Variants in FYTTD1 observed in about 807,000 individuals in gnomAD.
The protein encoded by FYTTD1 is UAP56-interacting factor.
In FYTTD1, 22 loss-of-function variants were observed where a neutral mutation model predicts 40.9. The observed-to-expected ratio is 0.54, with a 90% confidence interval of 0.38 to 0.77. The LOEUF (loss-of-function observed/expected upper bound fraction) is 0.77, where lower values mean the gene tolerates loss of function less well. FYTTD1 is among the 30% of genes least tolerant of loss of function. The pLI is 0.00. For missense variants in FYTTD1, 351 were observed against 392.2 expected, an observed-to-expected ratio of 0.90 and a Z score of 0.89; for synonymous variants, 140 against 137.9, an observed-to-expected ratio of 1.01 and a Z score of -0.10.
rs1481919781 is a variant in FYTTD1 at position 197,786,118 on chromosome 3, T to C, written c.*4209T>C. 2.7e-5 allele frequency: 4 copies of C among 148,248 alleles called. No individual in the cohort carries two copies. The South Asian group carries it at 8.4e-4, about 31-fold the overall frequency. 9.2% of individuals were successfully genotyped at this position (148,248 alleles called of 1,614,324 possible). On this transcript the variant is annotated 3_prime_UTR_variant, in exon 9 of 9. Coordinates refer to ENST00000241502, the MANE Select transcript of FYTTD1 (RefSeq NM_032288.7). The stretch of plus-strand genomic sequence containing the variant: ...TTTCTTTTTCTTTTTTTTTTTTTCT[T>C]TTTTTTCTTTTTTTGAGATGGAGTT...
chr3:197,762,698 C>G (rs1729424151), intron 2 of FYTTD1, among the ~76,000 whole-genome samples: 1 of 151,256 alleles, frequency 6.6e-6, no homozygotes, highest in Admixed American at 6.6e-5. Flanking sequence ...CTGGCTAACA[C>G]AGTGAAACCC....
At chr3:197,752,050 AT>A (rs1295562808) in intron 1 of FYTTD1, among the ~76,000 whole-genome samples, 1 of 151,982 alleles carries the variant, frequency 6.6e-6, no homozygotes, top group Non-Finnish European at 1.5e-5. Context: ...TAATTTTCAT[AT>A]TTTTAGTAGA....
Position 197,782,061 on chromosome 3 carries a change from A to T in FYTTD1, c.*152A>T, listed in dbSNP as rs1730043228. 2 of 456,658 alleles carry T rather than the reference A, an allele frequency of 4.4e-6. No individual in the cohort carries two copies. The highest frequency in any genetic ancestry group is 4.0e-6 in the Non-Finnish European group (1 of 251,390). 28.3% of individuals were successfully genotyped at this position (456,658 alleles called of 1,614,324 possible). Reference sequence around the variant, plus strand: ...TTTGAAGGTTTTTTTTTTTAAAAAAAAAAACGTATAAAATAATGCCCTGAA... The same window carrying T: ...TTTGAAGGTTTTTTTTTTTAAAAAATAAAACGTATAAAATAATGCCCTGAA... On this transcript the variant is annotated 3_prime_UTR_variant, in exon 9 of 9. Coordinates refer to ENST00000241502, the MANE Select transcript of FYTTD1 (RefSeq NM_032288.7).
At chr3:197,774,262 A>C in intron 6 of FYTTD1, 52 bp downstream of exon 6, 1 of 1,385,410 alleles carries the variant, frequency 7.2e-7, no homozygotes, top group East Asian at 2.3e-5. Flanking sequence ...CCAGAATACT[A>C]ACTACCCAAA....
At chr3:197,773,806 C>A (rs1195422171) in intron 5 of FYTTD1, among the ~76,000 whole-genome samples, 4 of 150,616 alleles carry the variant, frequency 2.7e-5, no homozygotes, top group African/African-American at 1.0e-4. Context: ...CTGCTGCACT[C>A]ACGCACACAC....
chr3:197,777,125 C>T (rs1560500695), intron 7 of FYTTD1, 124 bp downstream of exon 7: 1 of 631,412 alleles, frequency 1.6e-6, no homozygotes, highest in Non-Finnish European at 2.8e-6. Context: ...ACAGTAATAC[C>T]TGTGATACAA....
rs1730051830 is a variant in FYTTD1 at position 197,782,377 on chromosome 3, G to GAA, written c.*469_*470insAA. ...GTGCCGTTGCCTTTTCTTCATTAGA[G>GAA]ACACAGAACAATGTATTAGAATTTC... On this transcript the variant is annotated 3_prime_UTR_variant, in exon 9 of 9. Transcript: ENST00000241502. The GAA allele has an allele frequency of 1.3e-5, 2 of 152,218 alleles. No individual in the cohort carries two copies. The highest frequency in any genetic ancestry group is 2.9e-5 in the Non-Finnish European group (2 of 68,106). 9.4% of individuals were successfully genotyped at this position (152,218 alleles called of 1,614,324 possible).
chr3:197,776,377 T>G (rs1729874561), intron 6 of FYTTD1, among the ~76,000 whole-genome samples: 2 of 146,746 alleles, frequency 1.4e-5, no homozygotes, highest in South Asian at 4.3e-4. Flanking sequence ...ACGCCCAGCT[T>G]AAATTTGTTT....
chr3:197,754,575 G>A (rs1205310937), intron 1 of FYTTD1, among the ~76,000 whole-genome samples: 1 of 151,184 alleles, frequency 6.6e-6, no homozygotes, highest in Non-Finnish European at 1.5e-5. Flanking sequence ...TTGACTGTAT[G>A]CAATTTCTTT....
At chr3:197,775,543 C>A (rs1729851673) in intron 6 of FYTTD1, among the ~76,000 whole-genome samples, 1 of 152,122 alleles carries the variant, frequency 6.6e-6, no homozygotes, top group Non-Finnish European at 1.5e-5. Flanking sequence ...CTCAGATACT[C>A]AAGTCCCTTA....
intron 2 of FYTTD1, among the ~76,000 whole-genome samples, chr3:197,757,758 G>A (rs562258355): frequency 1.3e-5 from 2 of 152,274 alleles, no homozygotes; most frequent in Admixed American, 6.5e-5. Context: ...ATGAGACTCT[G>A]TCTCAAGAAA....
At chr3:197,751,798 A>G (rs552624740) in intron 1 of FYTTD1, among the ~76,000 whole-genome samples, 2 of 152,186 alleles carry the variant, frequency 1.3e-5, no homozygotes, top group Non-Finnish European at 2.9e-5. Flanking sequence ...TGAGGATTCT[A>G]GCGATGGAGA....
At position 197,768,666 on chromosome 3, in the gene FYTTD1, A is replaced by G. The variant is rs1729622045; in HGVS notation, c.384+79A>G. On this transcript the variant is annotated intron_variant, in intron 3 of 8. Coordinates refer to ENST00000241502, the MANE Select transcript of FYTTD1 (RefSeq NM_032288.7). ...ACATTTCTGTGAATAAGCTTAAGAG[A>G]GAATTTTATTTGTTTTTATGTAGTA... 6.5e-6 allele frequency: 8 copies of G among 1,231,150 alleles called. No individual in the cohort carries two copies. The East Asian group carries it at 2.1e-4, about 33-fold the overall frequency. The allele number at this position is 1,231,150 out of a possible 1,614,324, so 76.3% of individuals were successfully genotyped here.
In FYTTD1 at chr3:197,756,430, TATC is replaced by T; in HGVS notation, c.113_115del (p.Ile38del). On this transcript the variant is annotated inframe_deletion, in exon 2 of 9. Coordinates refer to ENST00000241502, the MANE Select transcript of FYTTD1 (RefSeq NM_032288.7). ...TTGACATTTCCTCTATCATAGATGATATCATCAAGTTGAATCGAAAGGAAGGGA... is the reference window on the plus strand; with the variant it reads ...TTGACATTTCCTCTATCATAGATGATATCAAGTTGAATCGAAAGGAAGGGA... 6.2e-7 allele frequency: 1 copy of T among 1,601,348 alleles called. No homozygotes were observed. Among genetic ancestry groups the T allele is most frequent in the Non-Finnish European group, 8.6e-7 (1 of 1,168,454 alleles).
At chr3:197,760,561 AGT>A (rs1440248204) in intron 2 of FYTTD1, among the ~76,000 whole-genome samples, 1 of 151,688 alleles carries the variant, frequency 6.6e-6, no homozygotes, top group Non-Finnish European at 1.5e-5. Context: ...GAATTTATAG[AGT>A]GTTTTTCAAT....
chr3:197,753,715 A>T (rs927979297), intron 1 of FYTTD1, among the ~76,000 whole-genome samples: 2 of 151,966 alleles, frequency 1.3e-5, no homozygotes, highest in Non-Finnish European at 2.9e-5. Flanking sequence ...GCTACTTCTG[A>T]TTTTTAGTTA....
rs934742433 is a variant in FYTTD1 at position 197,783,360 on chromosome 3, T to C, written c.*1451T>C. 4 of 152,640 alleles carry C rather than the reference T, an allele frequency of 2.6e-5. No homozygotes were observed. Among genetic ancestry groups the C allele is most frequent in the African/African-American group, 9.6e-5 (4 of 41,454 alleles). 9.5% of individuals were successfully genotyped at this position (152,640 alleles called of 1,614,324 possible). On this transcript the variant is annotated 3_prime_UTR_variant, in exon 9 of 9. Transcript: ENST00000241502. The stretch of plus-strand genomic sequence containing the variant: ...ACTTTTCCTGTAAAGCAGACATCGT[T>C]CTTGGCCTGCCCTGCATTGTATACT...
rs1275697922 is a variant in FYTTD1, at chr3:197,786,379, T to A, written c.*4470T>A. On this transcript the variant is annotated 3_prime_UTR_variant, in exon 9 of 9. Coordinates refer to ENST00000241502, the MANE Select transcript of FYTTD1 (RefSeq NM_032288.7). ...ATCTGCCTGCCTCGGCCTCCCAAAG[T>A]GCTGGGATTACAGGTGTGAGCCACC... 6.6e-6 allele frequency: 1 copy of A among 152,220 alleles called. No individual in the cohort carries two copies. Among genetic ancestry groups the A allele is most frequent in the Non-Finnish European group, 1.5e-5 (1 of 68,100 alleles). The allele number at this position is 152,220 out of a possible 1,614,324, so 9.4% of individuals were successfully genotyped here.
intron 2 of FYTTD1, among the ~76,000 whole-genome samples, chr3:197,767,709 C>G (rs1215356005): frequency 6.6e-6 from 1 of 151,868 alleles, no homozygotes; most frequent in Non-Finnish European, 1.5e-5. Flanking sequence ...TTCCCTTGGC[C>G]TCCCAAGTGC....
Sources: allele counts gnomAD v4.1 joint callset (sites outside exome capture counted in the v4.1 genomes callset), GRCh38; gene constraint gnomAD v4.1.1; transcripts MANE v1.5; gene names NCBI Gene and HGNC (gene_info 2026-07-23, HGNC 2026-07-21).